The following ADAMTS6 variants were observed in gnomAD, a reference collection of about 807,000 sequenced individuals.
The protein encoded by ADAMTS6 is ADAM metallopeptidase with thrombospondin type 1 motif 6, also known as A disintegrin and metalloproteinase with thrombospondin motifs 6.
In ADAMTS6, 23 loss-of-function variants were observed where a neutral mutation model predicts 144.3. The observed-to-expected ratio is 0.16, with a 90% CI of 0.11 to 0.23. ADAMTS6 has a LOEUF of 0.23. Among genes scored for constraint, ADAMTS6 ranks in the 10% least tolerant of loss-of-function variants. ADAMTS6 has a pLI of 1.00. For missense variants in ADAMTS6, 999 were observed against 1,379.6 expected (o/e 0.72, Z 4.37); for synonymous variants, 444 against 457.5 (o/e 0.97, Z 0.38).
rs144059361 is a variant in ADAMTS6, at chr5:65,423,621, T to C, written c.1073+27854A>G. Among the ~76,000 whole-genome samples, 690 of 152,238 alleles carry C rather than the reference T, an allele frequency of 4.5e-3. 5 individuals are homozygous for C. The highest frequency in any genetic ancestry group is 0.015 in the African/African-American group (634 of 41,574). On this transcript the variant is annotated intron_variant, in intron 7 of 24. Coordinates refer to ENST00000381055, the MANE Select transcript of ADAMTS6 (RefSeq NM_197941.4). The stretch of plus-strand genomic sequence containing the variant: ...AAAGCCTGTGTAAAAGCTATTAAGA[T>C]AAAATATTTTCTTCTTTTTTTTAAT...
chr5:65,294,097 G>C (rs187045692), intron 10 of ADAMTS6, among the ~76,000 whole-genome samples: 2 of 152,124 alleles, frequency 1.3e-5, no homozygotes, highest in Non-Finnish European at 2.9e-5. Context: ...GATTTAAATT[G>C]GTTGTACATT....
chr5:65,395,698 T>A (rs1305018841), intron 7 of ADAMTS6, among the ~76,000 whole-genome samples: 1 of 152,202 alleles, frequency 6.6e-6, no homozygotes, highest in Non-Finnish European at 1.5e-5. Context: ...ATGAACCATA[T>A]CCTGTACTTA....
chr5:65,311,830 T>A (rs1235149658), intron 9 of ADAMTS6, among the ~76,000 whole-genome samples: 1 of 152,080 alleles, frequency 6.6e-6, no homozygotes, highest in Non-Finnish European at 1.5e-5. Flanking sequence ...CTTTTTAAAA[T>A]CATAACAGAT....
At chr5:65,396,794 C>T (rs73762295) in intron 7 of ADAMTS6, among the ~76,000 whole-genome samples, 16,620 of 152,204 alleles carry the variant, frequency 0.11, 1,036 homozygotes, top group African/African-American at 0.14. Context: ...TATTGGTCTG[C>T]ATAAGACATT....
chr5:65,232,375 T>C (rs1323133407), intron 15 of ADAMTS6, among the ~76,000 whole-genome samples: 2 of 151,354 alleles, frequency 1.3e-5, no homozygotes, highest in African/African-American at 4.9e-5. Flanking sequence ...AGGGCAGAAA[T>C]AGATAGAGAA....
intron 7 of ADAMTS6, among the ~76,000 whole-genome samples, chr5:65,420,249 C>T (rs1338944396): frequency 6.6e-6 from 1 of 152,166 alleles, no homozygotes; most frequent in Admixed American, 6.5e-5. Flanking sequence ...TGGTCTCTCC[C>T]TTGACACATG....
At chr5:65,288,489 T>C (rs1741961978) in intron 11 of ADAMTS6, among the ~76,000 whole-genome samples, 1 of 152,006 alleles carries the variant, frequency 6.6e-6, no homozygotes, top group South Asian at 2.1e-4. Flanking sequence ...CCAGCTAATT[T>C]TTGTATTTTT....
intron 4 of ADAMTS6, among the ~76,000 whole-genome samples, chr5:65,454,178 A>T (rs1758995844): frequency 6.6e-6 from 1 of 152,176 alleles, no homozygotes; most frequent in South Asian, 2.1e-4. Flanking sequence ...CCCTCACCAG[A>T]TGCTGGTGCC....
chr5:65,304,326 G>T (rs2112815493), intron 9 of ADAMTS6, among the ~76,000 whole-genome samples: 1 of 152,304 alleles, frequency 6.6e-6, no homozygotes, highest in African/African-American at 2.4e-5. Context: ...GGACGTTCAG[G>T]CTGGAGTATA....
intron 18 of ADAMTS6, among the ~76,000 whole-genome samples, chr5:65,219,208 G>A (rs1375713180): frequency 6.6e-6 from 1 of 152,100 alleles, no homozygotes; most frequent in Non-Finnish European, 1.5e-5. Context: ...TCCTGTGTTA[G>A]TAGATAAAGT....
chr5:65,334,275 C>T (rs1379994540), intron 7 of ADAMTS6, among the ~76,000 whole-genome samples, 190 bp from the exon 8 acceptor site: 2 of 152,180 alleles, frequency 1.3e-5, no homozygotes, highest in Admixed American at 6.5e-5. Context: ...CACTCACAGC[C>T]TCTGGCTGCA....
At chr5:65,374,824 A>G (rs1448353123) in intron 7 of ADAMTS6, among the ~76,000 whole-genome samples, 1 of 152,200 alleles carries the variant, frequency 6.6e-6, no homozygotes, top group Non-Finnish European at 1.5e-5. Context: ...CCAAAAGAAC[A>G]AAGCTGGAGG....
At position 65,473,778 on chromosome 5, in the gene ADAMTS6, C is replaced by A; in HGVS notation, c.-105G>T. ...AATTTTATTTCTTTAAAACTTCTTG[C>A]AAATTAGTTATTGGATGTTCCACTG... On this transcript the variant is annotated 5_prime_UTR_variant, in exon 2 of 25. Coordinates refer to ENST00000381055, the MANE Select transcript of ADAMTS6 (RefSeq NM_197941.4). 1 of 862,106 alleles carries A rather than the reference C, an allele frequency of 1.2e-6. No individual in the cohort carries two copies. The highest frequency in any genetic ancestry group is 1.6e-5 in the South Asian group (1 of 62,824). 53.4% of individuals were successfully genotyped at this position (862,106 alleles called of 1,614,324 possible). A position where few individuals can be genotyped will look rare whatever the true frequency, so the allele number is the denominator to read the frequency against.
chr5:65,246,054 C>T (rs929075603), intron 14 of ADAMTS6, among the ~76,000 whole-genome samples: 3 of 152,146 alleles, frequency 2.0e-5, no homozygotes, highest in African/African-American at 4.8e-5. Context: ...GCATAAGATG[C>T]TTGGATTTCC....
intron 7 of ADAMTS6, among the ~76,000 whole-genome samples, chr5:65,432,835 C>T (rs1287978482): frequency 6.6e-6 from 1 of 152,100 alleles, no homozygotes; most frequent in Non-Finnish European, 1.5e-5. Flanking sequence ...TCCTCAAACC[C>T]AGTAAGCTCA....
At chr5:65,176,152 GA>G (rs1395357512) in intron 22 of ADAMTS6, among the ~76,000 whole-genome samples, 2 of 152,040 alleles carry the variant, frequency 1.3e-5, no homozygotes, top group African/African-American at 4.8e-5. Flanking sequence ...TATGTAAAAA[GA>G]GTGTTATATG....
At chr5:65,417,109 C>G (rs1359138348) in intron 7 of ADAMTS6, among the ~76,000 whole-genome samples, 2 of 152,084 alleles carry the variant, frequency 1.3e-5, no homozygotes, top group Non-Finnish European at 2.9e-5. Context: ...ACCACATAAA[C>G]AGAATTAAAA....
rs76622665 is a variant in ADAMTS6 at position 65,395,057 on chromosome 5, T to C, written c.1073+56418A>G. Among the ~76,000 whole-genome samples the C allele has an allele frequency of 9.3e-3, 1,421 of 152,216 alleles. 8 individuals are homozygous for C. Among genetic ancestry groups the C allele is most frequent in the Non-Finnish European group, 0.015 (1,048 of 68,016 alleles). On this transcript the variant is annotated intron_variant, in intron 7 of 24. Transcript: ENST00000381055. The stretch of plus-strand genomic sequence containing the variant: ...TATTTAATTCAAGCAAGTAGAAGAC[T>C]AGACCTGCTACCCTGATTTGGGAGC...
intron 9 of ADAMTS6, among the ~76,000 whole-genome samples, chr5:65,318,464 T>C (rs993883843): frequency 7.9e-5 from 12 of 152,062 alleles, no homozygotes; most frequent in African/African-American, 2.7e-4. Context: ...CAGTAGCCAG[T>C]TTGGAAGCAA....
Sources: gnomAD v4.1 joint callset for allele counts (sites outside exome capture counted in the v4.1 genomes callset) on GRCh38, gnomAD v4.1.1 for gene constraint, MANE v1.5 for transcripts, NCBI Gene and HGNC (gene_info 2026-07-23, HGNC 2026-07-21) for gene names.